PPP2R2B: variants seen among roughly 807,000 people sequenced by gnomAD.
PPP2R2B encodes serine/threonine-protein phosphatase 2A 55 kDa regulatory subunit B beta isoform.
In PPP2R2B, 5 loss-of-function variants were observed where a neutral mutation model predicts 46.0. The observed-to-expected ratio is 0.11, with a 90% CI of 0.06 to 0.23. The LOEUF is 0.23. Ranked by LOEUF, PPP2R2B falls within the 10% of genes least tolerant of loss-of-function variation. The pLI is 1.00. For missense variants in PPP2R2B, 367 were observed against 575.0 expected, an observed-to-expected ratio of 0.64 and a Z score of 3.70; for synonymous variants, 215 against 206.7, an observed-to-expected ratio of 1.04 and a Z score of -0.34.
At chr5:146,943,032 C>T (rs1432594261) in intron 1 of PPP2R2B, among the ~76,000 whole-genome samples, 1 of 152,102 alleles carries the variant, frequency 6.6e-6, no homozygotes, top group Admixed American at 6.5e-5. Flanking sequence ...CTCCTGAACT[C>T]GTGATCCGCC....
At position 146,628,064 on chromosome 5, in the gene PPP2R2B, C is replaced by A. The variant is rs376613335; in HGVS notation, c.790+10187G>T. Among the ~76,000 whole-genome samples the A allele has an allele frequency of 5.7e-4, 87 of 152,186 alleles. 1 individual carries two copies. In the South Asian group the frequency reaches 0.018, roughly 32 times the overall value. On this transcript the variant is annotated intron_variant, in intron 7 of 9. Transcript: ENST00000394411. The stretch of plus-strand genomic sequence containing the variant: ...GGCTCAAGTGATTCTCCTGCCTCAG[C>A]CTCCTGAGTAGTGGGGATTACAGGT...
At chr5:146,934,784 G>A (rs1764088106) in intron 1 of PPP2R2B, among the ~76,000 whole-genome samples, 1 of 151,408 alleles carries the variant, frequency 6.6e-6, no homozygotes, top group African/African-American at 2.4e-5. Flanking sequence ...ATTGAAAGGT[G>A]TTGCTGAGGT....
At chr5:146,803,106 A>G (rs1297041404) in intron 2 of PPP2R2B, among the ~76,000 whole-genome samples, 7 of 152,204 alleles carry the variant, frequency 4.6e-5, no homozygotes, top group Admixed American at 3.3e-4. Context: ...TCTCCAAAAC[A>G]TGTTTATTCC....
chr5:146,916,439 C>T (rs1763388052), intron 1 of PPP2R2B, among the ~76,000 whole-genome samples: 1 of 152,044 alleles, frequency 6.6e-6, no homozygotes, highest in Non-Finnish European at 1.5e-5. Flanking sequence ...TTCCTTCATT[C>T]TTCTTTATCT....
chr5:146,734,067 T>C (rs1201781811), intron 2 of PPP2R2B, among the ~76,000 whole-genome samples: 8 of 151,960 alleles, frequency 5.3e-5, no homozygotes, highest in African/African-American at 9.7e-5. Context: ...TTTTTTTTTT[T>C]TTTTTGAGAC....
At position 147,020,321 on chromosome 5, in the gene PPP2R2B, T is replaced by C. The variant is rs142868502; in HGVS notation, c.79+35344A>G. On this transcript the variant is annotated intron_variant, in intron 1 of 8. Coordinates refer to the PPP2R2B transcript ENST00000336640. The stretch of plus-strand genomic sequence containing the variant: ...TTGTAATGATATATTTATATGATTA[T>C]TTAATAAATAATTTTCATCCTATCA... Among the ~76,000 whole-genome samples the C allele has an allele frequency of 3.0e-3, 452 of 152,252 alleles. 6 individuals are homozygous for C. The highest frequency in any genetic ancestry group is 9.6e-3 in the African/African-American group (400 of 41,558).
chr5:146,688,877 C>G (rs544936010), intron 5 of PPP2R2B, among the ~76,000 whole-genome samples: 1 of 152,028 alleles, frequency 6.6e-6, no homozygotes, highest in Non-Finnish European at 1.5e-5. Context: ...CAGAAGTTCA[C>G]GGTATAAACT....
intron 2 of PPP2R2B, among the ~76,000 whole-genome samples, chr5:146,737,209 T>C (rs1303189210): frequency 6.6e-6 from 1 of 152,206 alleles, no homozygotes; most frequent in East Asian, 1.9e-4. Context: ...CTGTGAATGT[T>C]CATTGACTTG....
At chr5:146,812,083 A>C (rs896924432) in intron 2 of PPP2R2B, among the ~76,000 whole-genome samples, 3 of 152,042 alleles carry the variant, frequency 2.0e-5, no homozygotes, top group African/African-American at 7.2e-5. Flanking sequence ...AAGAGCTCTG[A>C]GTTAACTTTG....
chr5:146,771,162 C>T (rs1410711809), intron 2 of PPP2R2B, among the ~76,000 whole-genome samples: 1 of 152,112 alleles, frequency 6.6e-6, no homozygotes, highest in Admixed American at 6.6e-5. Flanking sequence ...GCTCCCAGTG[C>T]CAGAATTCTA....
At chr5:146,749,570 C>T (rs2151233955) in intron 2 of PPP2R2B, among the ~76,000 whole-genome samples, 1 of 150,926 alleles carries the variant, frequency 6.6e-6, no homozygotes, top group South Asian at 2.1e-4. Context: ...TTTGCTTAGC[C>T]TAGATCCTGA....
At chr5:146,681,758 C>A (rs1424818395) in intron 5 of PPP2R2B, among the ~76,000 whole-genome samples, 1 of 152,196 alleles carries the variant, frequency 6.6e-6, no homozygotes, top group Non-Finnish European at 1.5e-5. Flanking sequence ...CAGAACTCTG[C>A]CCTGTCAACC....
chr5:146,943,816 C>T (rs561292201), intron 1 of PPP2R2B, among the ~76,000 whole-genome samples: 12 of 152,316 alleles, frequency 7.9e-5, no homozygotes, highest in African/African-American at 2.9e-4. Flanking sequence ...AAGACAATAT[C>T]CCTTCGTATC....
chr5:146,673,687 C>T (rs1007823141), intron 5 of PPP2R2B, among the ~76,000 whole-genome samples: 5 of 152,126 alleles, frequency 3.3e-5, no homozygotes, highest in Non-Finnish European at 7.4e-5. Context: ...GCCATCAGCC[C>T]AGAGGCCCCT....
At chr5:146,625,055 G>C (rs1253960178) in intron 7 of PPP2R2B, among the ~76,000 whole-genome samples, 1 of 152,206 alleles carries the variant, frequency 6.6e-6, no homozygotes, top group South Asian at 2.1e-4. Flanking sequence ...CAGTGCCTGG[G>C]ACATGTGAAG....
intron 2 of PPP2R2B, among the ~76,000 whole-genome samples, chr5:147,066,710 T>C (rs1303691548): frequency 6.6e-6 from 1 of 152,192 alleles, no homozygotes; most frequent in Non-Finnish European, 1.5e-5. Flanking sequence ...TCTTAATGCC[T>C]TTCTTGGACT....
At chr5:146,632,069 C>CCCCCG (rs1774467682) in intron 7 of PPP2R2B, among the ~76,000 whole-genome samples, 1 of 131,094 alleles carries the variant, frequency 7.6e-6, no homozygotes, top group Admixed American at 7.8e-5. Context: ...GTGCCCCCCC[C>CCCCCG]CCCGCCCATT....
intron 7 of PPP2R2B, among the ~76,000 whole-genome samples, chr5:146,605,638 C>G (rs546023437): frequency 4.9e-4 from 74 of 152,344 alleles, no homozygotes; most frequent in African/African-American, 1.6e-3. Context: ...ATGTGGCAAC[C>G]AAAATGTCTC....
intron 7 of PPP2R2B, among the ~76,000 whole-genome samples, chr5:146,630,226 A>T (rs1005870168): frequency 6.6e-6 from 1 of 152,124 alleles, no homozygotes; most frequent in Non-Finnish European, 1.5e-5. Flanking sequence ...TCACACTTAG[A>T]TGTTGGCTTT....
Sources: gnomAD v4.1 joint callset for allele counts (sites outside exome capture counted in the v4.1 genomes callset) on GRCh38, gnomAD v4.1.1 for gene constraint, MANE v1.5 for transcripts, NCBI Gene and HGNC (gene_info 2026-07-23, HGNC 2026-07-21) for gene names.